Variants in CTNNA3 observed in about 807,000 individuals in gnomAD.
The protein encoded by CTNNA3 is catenin alpha 3.
In CTNNA3, 76 loss-of-function variants were observed where a neutral mutation model predicts 95.7. That is an observed-to-expected ratio of 0.79 (90% CI 0.66 to 0.96). The LOEUF is 0.96. CTNNA3 is among the 40% of genes least tolerant of loss of function. CTNNA3 has a pLI of 0.00. For synonymous variants in CTNNA3, 431 were observed against 374.4 expected, an observed-to-expected ratio of 1.15 and a Z score of -1.74; for missense variants, 1,191 against 1,089.8, an observed-to-expected ratio of 1.09 and a Z score of -1.31.
At chr10:66,218,351 G>A (rs2088689231) in intron 13 of CTNNA3, among the ~76,000 whole-genome samples, 2 of 151,042 alleles carry the variant, frequency 1.3e-5, no homozygotes, top group African/African-American at 4.9e-5. Flanking sequence ...CAGAAGTGAT[G>A]GTAGACTTCC....
chr10:66,352,346 A>C (rs776966216), intron 12 of CTNNA3, among the ~76,000 whole-genome samples: 1 of 152,148 alleles, frequency 6.6e-6, no homozygotes, highest in Non-Finnish European at 1.5e-5. Context: ...TGTGATCAAA[A>C]CATAGACAAA....
chr10:67,358,213 T>C (rs1384308121), intron 5 of CTNNA3, among the ~76,000 whole-genome samples: 1 of 152,134 alleles, frequency 6.6e-6, no homozygotes, highest in African/African-American at 2.4e-5. Flanking sequence ...CTTAGTGATG[T>C]TGGGTCTGGC....
intron 5 of CTNNA3, among the ~76,000 whole-genome samples, chr10:67,493,423 G>A (rs1838923484): frequency 6.6e-6 from 1 of 152,064 alleles, no homozygotes; most frequent in Non-Finnish European, 1.5e-5. Context: ...TTAGCTGGGC[G>A]TGGTGGCACG....
At chr10:66,977,415 A>G (rs1021961899) in intron 7 of CTNNA3, among the ~76,000 whole-genome samples, 5 of 138,320 alleles carry the variant, frequency 3.6e-5, no homozygotes, top group Non-Finnish European at 7.8e-5. Flanking sequence ...CAGCCTGGCG[A>G]TAGAGTGAAA....
chr10:66,342,575 A>C (rs10450284), intron 12 of CTNNA3, among the ~76,000 whole-genome samples: 21,686 of 152,034 alleles, frequency 0.14, 1,766 homozygotes, highest in East Asian at 0.24. Context: ...AACATATGAA[A>C]TATCAATTGC....
intron 10 of CTNNA3, among the ~76,000 whole-genome samples, chr10:66,529,928 T>G (rs2660002): frequency 0.56 from 84,848 of 152,014 alleles, 24,555 homozygotes; most frequent in Middle Eastern, 0.73. Context: ...CAGAAATACA[T>G]GTATGCATAC....
intron 12 of CTNNA3, among the ~76,000 whole-genome samples, chr10:66,282,483 C>T (rs1564837538): frequency 6.6e-6 from 1 of 151,696 alleles, no homozygotes; most frequent in East Asian, 1.9e-4. Flanking sequence ...GAAAAAAACC[C>T]AGGTGTTTTA....
chr10:66,939,964 C>A (rs115744652), intron 7 of CTNNA3, among the ~76,000 whole-genome samples: 1 of 152,072 alleles, frequency 6.6e-6, no homozygotes, highest in African/African-American at 2.4e-5. Context: ...TACCCCTATA[C>A]GCATCTTGCT....
chr10:66,429,103 C>T (rs10997120), intron 11 of CTNNA3, among the ~76,000 whole-genome samples: 39,699 of 151,842 alleles, frequency 0.26, 5,335 homozygotes, highest in South Asian at 0.39. Context: ...ATACAAACTA[C>T]CGTCAGAGAA....
chr10:66,119,754 T>A (rs1050482607), intron 13 of CTNNA3, among the ~76,000 whole-genome samples: 14 of 151,950 alleles, frequency 9.2e-5, no homozygotes, highest in African/African-American at 2.4e-4. Context: ...CAATTTTTTT[T>A]ATTAAATAAG....
At chr10:67,205,891 T>C (rs1427485835) in intron 6 of CTNNA3, among the ~76,000 whole-genome samples, 1 of 152,184 alleles carries the variant, frequency 6.6e-6, no homozygotes, top group Admixed American at 6.5e-5. Context: ...TAAATCTTCT[T>C]AAAAGTGAAA....
chr10:67,334,409 A>T (rs993542657), intron 5 of CTNNA3: 1 of 152,928 alleles, frequency 6.5e-6, no homozygotes, highest in African/African-American at 2.4e-5. Context: ...GCTGAAACTG[A>T]CCCACAAGTA....
intron 10 of CTNNA3, among the ~76,000 whole-genome samples, chr10:66,541,187 T>C (rs1841839010): frequency 6.6e-6 from 1 of 152,136 alleles, no homozygotes; most frequent in South Asian, 2.1e-4. Context: ...CTCATCATTG[T>C]ATAGGTGTGG....
At chr10:67,576,686 T>G in intron 3 of CTNNA3, among the ~76,000 whole-genome samples, 1 of 135,472 alleles carries the variant, frequency 7.4e-6, no homozygotes, top group African/African-American at 2.9e-5. Flanking sequence ...GTATATCTCC[T>G]AATGCTATCC....
Position 66,520,760 on chromosome 10 carries a change from G to A in CTNNA3, c.1388C>T (p.Ala463Val). 1.2e-6 allele frequency: 2 copies of A among 1,612,414 alleles called. No individual in the cohort carries two copies. The highest frequency in any genetic ancestry group is 1.7e-6 in the Non-Finnish European group (2 of 1,179,176). ...ETLCPQIINA[A>V]LALAARPKSQ... ...TTTGGGTCTTGCAGCCAAAGCAAGT[G>A]CAGCATTAATAATCTATAAAGATAA... Residue 463 changes from alanine (A) to valine (V), a missense_variant, in exon 11 of 18, where the codon GCA becomes GTA. Transcript: ENST00000433211.
At chr10:66,687,283 T>C (rs1037167830) in intron 9 of CTNNA3, among the ~76,000 whole-genome samples, 2 of 152,092 alleles carry the variant, frequency 1.3e-5, no homozygotes, top group African/African-American at 2.4e-5. Context: ...TCAAGATATA[T>C]ATGTTGTCCT....
intron 1 of CTNNA3, among the ~76,000 whole-genome samples, chr10:67,755,175 A>G (rs922473016): frequency 7.9e-5 from 12 of 151,998 alleles, no homozygotes; most frequent in African/African-American, 2.7e-4. Flanking sequence ...CCTGGGTGAC[A>G]GGATGAGACC....
intron 11 of CTNNA3, among the ~76,000 whole-genome samples, chr10:66,465,956 T>C (rs938959290): frequency 6.6e-6 from 1 of 152,144 alleles, no homozygotes; most frequent in Non-Finnish European, 1.5e-5. Flanking sequence ...TCCTTTGTGA[T>C]GGTTAATTTT....
chr10:67,147,282 G>C (rs2132057071), intron 7 of CTNNA3, among the ~76,000 whole-genome samples: 1 of 152,254 alleles, frequency 6.6e-6, no homozygotes, highest in African/African-American at 2.4e-5. Context: ...CAGACAACTT[G>C]GTGAACTTTT....
Sources: gnomAD v4.1 joint callset for allele counts (sites outside exome capture counted in the v4.1 genomes callset) on GRCh38, gnomAD v4.1.1 for gene constraint, MANE v1.5 for transcripts, NCBI Gene and HGNC (gene_info 2026-07-23, HGNC 2026-07-21) for gene names.